Variants in UNC13C observed in about 807,000 individuals in gnomAD.
UNC13C encodes the protein unc-13 homolog C, also known as protein unc-13 homolog C.
In UNC13C, 174 loss-of-function variants were observed where a neutral mutation model predicts 245.4. The ratio of observed to expected loss-of-function variants is 0.71; its 90% confidence interval spans 0.63 to 0.80. The LOEUF (loss-of-function observed/expected upper bound fraction) is 0.80, where lower values mean the gene tolerates loss of function less well. Among genes scored for constraint, UNC13C ranks in the 30% least tolerant of loss-of-function variants. The probability of loss-of-function intolerance (pLI) is 0.00; values close to 1 mark genes in which losing one functional copy is unlikely to be tolerated. For missense variants in UNC13C, 2,829 were observed against 2,602.9 expected (o/e 1.09, Z -1.89); for synonymous variants, 992 against 895.1 (o/e 1.11, Z -1.93).
chr15:54,425,389 G>A (rs1045413468), intron 19 of UNC13C, among the ~76,000 whole-genome samples: 3 of 151,782 alleles, frequency 2.0e-5, no homozygotes, highest in African/African-American at 4.8e-5. Flanking sequence ...TTGCAAATGG[G>A]AGAATTCACA....
At chr15:54,194,788 C>A (rs186672014) in intron 4 of UNC13C, among the ~76,000 whole-genome samples, 1 of 152,174 alleles carries the variant, frequency 6.6e-6, no homozygotes, top group Non-Finnish European at 1.5e-5. Context: ...TACACAGACA[C>A]AGCTGAAGGC....
chr15:54,082,429 C>T (rs1898998471), intron 2 of UNC13C, among the ~76,000 whole-genome samples: 1 of 152,180 alleles, frequency 6.6e-6, no homozygotes, highest in Non-Finnish European at 1.5e-5. Context: ...GGTTGCTTTA[C>T]ATAGCCCCAT....
At chr15:54,071,842 T>G (rs1898343904) in intron 2 of UNC13C, among the ~76,000 whole-genome samples, 1 of 152,160 alleles carries the variant, frequency 6.6e-6, no homozygotes, top group Admixed American at 6.5e-5. Flanking sequence ...CCTAAAGTAT[T>G]TATAATCTTG....
chr15:54,136,557 C>A (rs78697687), intron 2 of UNC13C, among the ~76,000 whole-genome samples: 1 of 151,852 alleles, frequency 6.6e-6, no homozygotes, highest in Admixed American at 6.6e-5. Context: ...TGCCTTATTT[C>A]TCCAGTGAGA....
At chr15:54,134,573 G>A (rs949128543) in intron 2 of UNC13C, among the ~76,000 whole-genome samples, 1 of 152,104 alleles carries the variant, frequency 6.6e-6, no homozygotes, top group Non-Finnish European at 1.5e-5. Flanking sequence ...AGACTGGAGT[G>A]CAGTGGCGCG....
At chr15:54,003,766 A>T (rs1265711148) in intron 1 of UNC13C, among the ~76,000 whole-genome samples, 1 of 152,168 alleles carries the variant, frequency 6.6e-6, no homozygotes, top group Non-Finnish European at 1.5e-5. Context: ...TAATCCCAGC[A>T]CTTTGGGAGG....
chr15:53,941,059 TA>T, the UNC13C span, among the ~76,000 whole-genome samples: 50,091 of 143,340 alleles, frequency 0.35, 8,281 homozygotes, highest in Middle Eastern at 0.37. Context: ...CAAACTATAC[TA>T]CAAGGCTACA....
rs1382473167 is a variant in UNC13C, at chr15:54,013,126, T to C, written c.223T>C (p.Leu75=). 6.2e-7 allele frequency: 1 copy of C among 1,613,816 alleles called. No individual in the cohort carries two copies. Among genetic ancestry groups the C allele is most frequent in the African/African-American group, 1.3e-5 (1 of 74,916 alleles). ...TGCAAAGTGTTCATCCACTCACAAC[T>C]TATCCACTGAGGAAGACGAGGCCAG... ...KIAKCSSTHN[L]STEEDEASKE... is the part of the protein sequence containing the mutation. The change falls in exon 2 of 33, where the codon TTA becomes CTA. Residue 75 remains leucine (L), a synonymous_variant. Coordinates refer to ENST00000260323, the MANE Select transcript of UNC13C (RefSeq NM_001080534.3).
At chr15:53,863,071 T>C in the UNC13C span, among the ~76,000 whole-genome samples, 334 of 152,286 alleles carry the variant, frequency 2.2e-3, no homozygotes, top group Middle Eastern at 0.014. Flanking sequence ...TCTCCAGCTA[T>C]AAACCTGTAA....
At chr15:53,899,896 G>A in the UNC13C span, among the ~76,000 whole-genome samples, 6 of 152,106 alleles carry the variant, frequency 3.9e-5, no homozygotes, top group African/African-American at 1.4e-4. Context: ...TCCTTCCCAT[G>A]AGAAAGTCTC....
At chr15:53,913,987 C>G in the UNC13C span, 11 of 152,262 alleles carry the variant, frequency 7.2e-5, no homozygotes, top group Non-Finnish European at 1.0e-4. Context: ...CTATGGTAAT[C>G]TGTGCCAACA....
At chr15:54,622,298 C>T in intron 30 of UNC13C, 29 bp from the exon 31 acceptor site, 4 of 1,503,628 alleles carry the variant, frequency 2.7e-6, no homozygotes, top group Non-Finnish European at 3.7e-6. Flanking sequence ...TCTGAAAGCT[C>T]AGGCCAGTAA....
intron 10 of UNC13C, among the ~76,000 whole-genome samples, chr15:54,293,470 G>C (rs2037353744): frequency 6.6e-6 from 1 of 151,892 alleles, no homozygotes; most frequent in Admixed American, 6.6e-5. Context: ...AACTATTATT[G>C]TCATTTTGTA....
At chr15:54,050,476 T>C in intron 2 of UNC13C, 1 of 543,508 alleles carries the variant, frequency 1.8e-6, no homozygotes, top group Non-Finnish European at 3.7e-6. Flanking sequence ...CATCCAAGTC[T>C]TTGACCAAAT....
chr15:54,623,370 A>C (rs893667293), intron 31 of UNC13C, among the ~76,000 whole-genome samples: 17 of 152,194 alleles, frequency 1.1e-4, no homozygotes, highest in African/African-American at 4.1e-4. Flanking sequence ...ATAAGATTGC[A>C]ACACATTATA....
At chr15:54,336,540 AAG>A in intron 16 of UNC13C, among the ~76,000 whole-genome samples, 1 of 151,992 alleles carries the variant, frequency 6.6e-6, no homozygotes, top group South Asian at 2.1e-4. Context: ...CAACATCACA[AAG>A]AGGTTTTTTT....
chr15:53,961,531 C>T, the UNC13C span, among the ~76,000 whole-genome samples: 1 of 152,186 alleles, frequency 6.6e-6, no homozygotes, highest in Non-Finnish European at 1.5e-5. Context: ...GCAAGGGCAG[C>T]ATAGAGTGGT....
At chr15:54,282,446 G>GTGCCAA (rs539039831) in intron 10 of UNC13C, among the ~76,000 whole-genome samples, 56 of 152,242 alleles carry the variant, frequency 3.7e-4, no homozygotes, top group African/African-American at 1.3e-3. Context: ...GCTGCTCTGA[G>GTGCCAA]TATAGGAGTA....
intron 2 of UNC13C, among the ~76,000 whole-genome samples, chr15:54,077,537 C>G (rs546701732): frequency 6.6e-6 from 1 of 151,786 alleles, no homozygotes; most frequent in South Asian, 2.1e-4. Context: ...CACCACCACG[C>G]TCAGCTAATT....
Sources: allele counts gnomAD v4.1 joint callset (sites outside exome capture counted in the v4.1 genomes callset), GRCh38; gene constraint gnomAD v4.1.1; transcripts MANE v1.5; gene names NCBI Gene and HGNC (gene_info 2026-07-23, HGNC 2026-07-21).